SSBP3: variants seen among roughly 807,000 people sequenced by gnomAD.
The protein encoded by SSBP3 is single-stranded DNA-binding protein 3.
SSBP3 carries 5 observed loss-of-function variants against 69.6 expected under a neutral mutation model. The observed-to-expected ratio is 0.07, with a 90% CI of 0.04 to 0.15. SSBP3 has a LOEUF of 0.15. SSBP3 is among the 10% of genes least tolerant of loss of function. The pLI, the probability that SSBP3 is intolerant of heterozygous loss-of-function variation, is 1.00. For synonymous variants in SSBP3, 196 were observed against 193.4 expected, an observed-to-expected ratio of 1.01 and a Z score of -0.11; for missense variants, 312 against 534.0, an observed-to-expected ratio of 0.58 and a Z score of 4.10.
At chr1:54,304,797 C>T (rs1256205755) in intron 4 of SSBP3, among the ~76,000 whole-genome samples, 1 of 152,168 alleles carries the variant, frequency 6.6e-6, no homozygotes, top group Non-Finnish European at 1.5e-5. Flanking sequence ...TGGAAACAAC[C>T]CAGGGCCTTG....
rs186274721 is a variant in SSBP3 at position 54,380,891 on chromosome 1, C to A, written c.276+20970G>T. ...ATCCTAGCACTTTGGGAGGCTGAAG[C>A]GGGACAACTGCTTAAGGCCGGAAGT... On this transcript the variant is annotated intron_variant, in intron 4 of 17. Coordinates refer to ENST00000610401, the Ensembl canonical transcript of SSBP3. Among the ~76,000 whole-genome samples the A allele has an allele frequency of 1.5e-3, 229 of 151,496 alleles. 2 individuals carry two copies. Among genetic ancestry groups the A allele is most frequent in the Non-Finnish European group, 1.4e-3 (95 of 67,894 alleles).
intron 14 of SSBP3, chr1:54,238,030 A>G: frequency 2.5e-6 from 1 of 401,732 alleles, no homozygotes; most frequent in Non-Finnish European, 5.2e-6. Context: ...CATCACTGAC[A>G]AAACCCAGGA....
chr1:54,374,480 G>A (rs1647184776), intron 4 of SSBP3, among the ~76,000 whole-genome samples: 1 of 152,214 alleles, frequency 6.6e-6, no homozygotes, highest in Admixed American at 6.5e-5. Flanking sequence ...ACCTGTCCAA[G>A]CCTTTCCAGG....
At chr1:54,401,795 C>T (rs1176551032) in intron 4 of SSBP3, 66 bp downstream of exon 4, 49 of 1,391,586 alleles carry the variant, frequency 3.5e-5, no homozygotes, top group Middle Eastern at 2.4e-4. Context: ...GTTTGCTTTT[C>T]GTACTAGAGA....
At chr1:54,311,537 C>T (rs1296036314) in intron 4 of SSBP3, among the ~76,000 whole-genome samples, 1 of 152,118 alleles carries the variant, frequency 6.6e-6, no homozygotes, top group East Asian at 1.9e-4. Flanking sequence ...CACAAGATGT[C>T]AAAATCGAGA....
chr1:54,402,303 T>G (rs938272348), intron 3 of SSBP3, among the ~76,000 whole-genome samples: 3 of 152,208 alleles, frequency 2.0e-5, no homozygotes, highest in African/African-American at 7.2e-5. Flanking sequence ...ATGGATGCCC[T>G]AGGAGGATGA....
intron 4 of SSBP3, among the ~76,000 whole-genome samples, chr1:54,371,051 G>A (rs1368493136): frequency 6.6e-6 from 1 of 152,158 alleles, no homozygotes; most frequent in East Asian, 1.9e-4. Context: ...GATGGGAGAG[G>A]AGCAACAAGA....
intron 4 of SSBP3, among the ~76,000 whole-genome samples, chr1:54,331,296 T>C (rs1646406056): frequency 6.6e-6 from 1 of 152,134 alleles, no homozygotes; most frequent in Non-Finnish European, 1.5e-5. Context: ...CACTTCCAGA[T>C]GCTACAGTCT....
In SSBP3 at chr1:54,251,790, C is replaced by G; in HGVS notation, c.574+4G>C. 6.2e-7 allele frequency: 1 copy of G among 1,611,424 alleles called. No homozygotes were observed. The highest frequency in any genetic ancestry group is 8.5e-7 in the Non-Finnish European group (1 of 1,179,512). ...CCACCCTAGGCCCACCCTGCCCTCTCTACCTTGTTGTCGTGTGGGATCCAT... is the reference window on the plus strand; with the variant it reads ...CCACCCTAGGCCCACCCTGCCCTCTGTACCTTGTTGTCGTGTGGGATCCAT... On this transcript the variant is annotated splice_donor_region_variant and intron_variant, in intron 8 of 17. Coordinates refer to ENST00000610401, the Ensembl canonical transcript of SSBP3.
chr1:54,244,917 G>A (rs965342303), intron 9 of SSBP3, among the ~76,000 whole-genome samples: 1 of 152,070 alleles, frequency 6.6e-6, no homozygotes, highest in East Asian at 1.9e-4. Flanking sequence ...TCATGGCCAC[G>A]TGTCTGTCCA....
At chr1:54,398,073 G>A (rs1649022072) in intron 4 of SSBP3, among the ~76,000 whole-genome samples, 1 of 152,164 alleles carries the variant, frequency 6.6e-6, no homozygotes, top group Non-Finnish European at 1.5e-5. Flanking sequence ...TCAAGTAAGT[G>A]TCAATAAAAG....
At chr1:54,411,720 G>A (rs546039872) in intron 1 of SSBP3, among the ~76,000 whole-genome samples, 6 of 151,430 alleles carry the variant, frequency 4.0e-5, no homozygotes, top group Non-Finnish European at 8.8e-5. Flanking sequence ...GTGAAACCCC[G>A]TCTCTACTAA....
At chr1:54,266,613 C>G (rs1397821031) in intron 5 of SSBP3, among the ~76,000 whole-genome samples, 1 of 152,200 alleles carries the variant, frequency 6.6e-6, no homozygotes, top group African/African-American at 2.4e-5. Flanking sequence ...AAAAACAAAA[C>G]AGTGCTACAC....
chr1:54,315,789 G>A (rs1646086244), intron 4 of SSBP3, among the ~76,000 whole-genome samples: 1 of 151,904 alleles, frequency 6.6e-6, no homozygotes. Context: ...TGCCTCCTGA[G>A]TAGCTGAGAC....
intron 15 of SSBP3, 74 bp downstream of exon 15, chr1:54,228,674 G>C: frequency 6.6e-7 from 1 of 1,522,222 alleles, no homozygotes; most frequent in Non-Finnish European, 8.9e-7. Context: ...ACCAAGCCCA[G>C]CTGAGCCAGG....
At chr1:54,242,327 AG>A in intron 10 of SSBP3, 115 bp from the exon 11 acceptor site, 1 of 1,254,546 alleles carries the variant, frequency 8.0e-7, no homozygotes, top group Admixed American at 1.8e-5. Flanking sequence ...TCCTTCCTAC[AG>A]CCCTGCGGTT....
intron 4 of SSBP3, among the ~76,000 whole-genome samples, chr1:54,314,550 A>G (rs1646061979): frequency 6.6e-6 from 1 of 152,232 alleles, no homozygotes; most frequent in Non-Finnish European, 1.5e-5. Flanking sequence ...CATTTTCTTT[A>G]AAAAGATTTG....
chr1:54,333,727 G>GT (rs1246714185), intron 4 of SSBP3, among the ~76,000 whole-genome samples: 1 of 152,164 alleles, frequency 6.6e-6, no homozygotes, highest in Non-Finnish European at 1.5e-5. Flanking sequence ...GGTGATACAT[G>GT]TAACTGTTTA....
intron 14 of SSBP3, among the ~76,000 whole-genome samples, chr1:54,235,238 T>G (rs1388051498): frequency 6.6e-6 from 1 of 151,724 alleles, no homozygotes; most frequent in Non-Finnish European, 1.5e-5. Context: ...GCATCTGTAA[T>G]TCATCAGATG....
Sources: gnomAD v4.1 joint callset for allele counts (sites outside exome capture counted in the v4.1 genomes callset) on GRCh38, gnomAD v4.1.1 for gene constraint, MANE v1.5 for transcripts, NCBI Gene and HGNC (gene_info 2026-07-23, HGNC 2026-07-21) for gene names.